The following EPHB3 variants were observed in gnomAD, a reference collection of about 807,000 sequenced individuals.
EPHB3 encodes the protein EPH receptor B3.
EPHB3 carries 33 observed loss-of-function variants against 100.2 expected under a neutral mutation model. The ratio of observed to expected loss-of-function variants is 0.33; its 90% CI spans 0.25 to 0.44. The LOEUF (loss-of-function observed/expected upper bound fraction) is 0.44, where lower values mean the gene tolerates loss of function less well. Ranked by LOEUF, EPHB3 falls within the 20% of genes least tolerant of loss-of-function variation. The pLI, the probability that EPHB3 is intolerant of heterozygous loss-of-function variation, is 1.00. For synonymous variants in EPHB3, 526 were observed against 554.7 expected (o/e 0.95, Z 0.73); for missense variants, 1,045 against 1,378.3 (o/e 0.76, Z 3.83).
In EPHB3 at chr3:184,572,403, T is replaced by TAGA; in HGVS notation, c.184-98_184-96dup. On this transcript the variant is annotated intron_variant, in intron 2 of 15. Transcript: ENST00000330394. The surrounding 1 kb of genome is among the most constrained non-coding windows in gnomAD (Gnocchi z 6.6). ...CTGTATGCTCAGCCACTGCACACCA[T>TAGA]AGAAGCATCCCTGTGAAGTAAATAG... The TAGA allele has an allele frequency of 3.7e-6, 5 of 1,359,782 alleles. No homozygotes were observed. Among genetic ancestry groups the TAGA allele is most frequent in the Non-Finnish European group, 4.9e-6 (5 of 1,027,538 alleles). 84.2% of individuals were successfully genotyped at this position (1,359,782 alleles called of 1,614,324 possible).
Position 184,578,359 on chromosome 3 carries a change from C to G in EPHB3, c.1749-55C>G. The stretch of plus-strand genomic sequence containing the variant: ...TCTGTGAGCCCAAGGGTGCCCTGAA[C>G]AAAGGGAGGCAGATGACTTGTCTCA... On this transcript the variant is annotated intron_variant, in intron 8 of 15. Coordinates refer to ENST00000330394, the MANE Select transcript of EPHB3 (RefSeq NM_004443.4). This position sits in a 1 kb window ranked among gnomAD's most constrained non-coding sequence, Gnocchi z 4.7. The G allele has an allele frequency of 6.2e-7, 1 of 1,612,344 alleles. No individual in the cohort carries two copies. Among genetic ancestry groups the G allele is most frequent in the Non-Finnish European group, 8.5e-7 (1 of 1,179,028 alleles).
In EPHB3 at chr3:184,571,743, G is replaced by T. The variant is rs1035889775; in HGVS notation, c.183+361G>T. 6.6e-6 allele frequency among the ~76,000 whole-genome samples: 1 copy of T among 152,124 alleles called. No individual in the cohort carries two copies. The highest frequency in any genetic ancestry group is 1.5e-5 in the Non-Finnish European group (1 of 68,042). ...AACCTTAGTTCCAGATCTTTAACTT[G>T]CTGTGTGACCTTGGGCAAGGCCGTT... is the stretch of plus-strand genomic sequence containing the variant. On this transcript the variant is annotated intron_variant, in intron 2 of 15. Transcript: ENST00000330394. This position sits in a 1 kb window ranked among gnomAD's most constrained non-coding sequence, Gnocchi z 5.0.
chr3:184,576,800 G>C, intron 4 of EPHB3, 42 bp from the exon 5 acceptor site: 1 of 1,510,784 alleles, frequency 6.6e-7, no homozygotes, highest in Non-Finnish European at 8.9e-7. Flanking sequence ...GATGGTCCTA[G>C]AGCCCCCAGC....
chr3:184,575,774 G>T, intron 3 of EPHB3, 56 bp from the exon 4 acceptor site: 3 of 1,524,166 alleles, frequency 2.0e-6, no homozygotes, highest in Non-Finnish European at 2.6e-6. Flanking sequence ...AGCTGCGGAG[G>T]TCTGGTGTCT....
intron 1 of EPHB3, among the ~76,000 whole-genome samples, chr3:184,566,048 G>C (rs1714377259): frequency 6.6e-6 from 1 of 152,238 alleles, no homozygotes; most frequent in Admixed American, 6.5e-5. Context: ...AGGGTGGAGG[G>C]AGACTGGATA....
At position 184,565,861 on chromosome 3, in the gene EPHB3, G is replaced by A. The variant is rs1019507506; in HGVS notation, c.118+3508G>A. 1.3e-5 allele frequency among the ~76,000 whole-genome samples: 2 copies of A among 152,234 alleles called. No individual in the cohort carries two copies. The highest frequency in any genetic ancestry group is 2.1e-4 in the South Asian group (1 of 4,834). ...CCACTGCAGCTTCAGCGGCTGCTGC[G>A]AGCTGAAGCCGAAGCTGCCGAAGCT... On this transcript the variant is annotated intron_variant, in intron 1 of 15. Transcript: ENST00000330394. The surrounding 1 kb of genome is among the most constrained non-coding windows in gnomAD (Gnocchi z 4.8).
chr3:184,572,315 C>T lies in EPHB3; in HGVS notation c.184-189C>T, dbSNP rs78106794. 1.1e-4 allele frequency among the ~76,000 whole-genome samples: 16 copies of T among 152,176 alleles called. No individual in the cohort carries two copies. The East Asian group carries it at 1.9e-3, about 18-fold the overall frequency. On this transcript the variant is annotated intron_variant, in intron 2 of 15. Coordinates refer to ENST00000330394, the MANE Select transcript of EPHB3 (RefSeq NM_004443.4). The surrounding 1 kb of genome is among the most constrained non-coding windows in gnomAD (Gnocchi z 6.6). Reference sequence around the variant, plus strand: ...CAGATGGGGAAACTGAGGCACATGGCGGTTAAGTGACTTACCCATAATCAC... The same window carrying T: ...CAGATGGGGAAACTGAGGCACATGGTGGTTAAGTGACTTACCCATAATCAC...
At chr3:184,570,637 G>C (rs1714514804) in intron 1 of EPHB3, among the ~76,000 whole-genome samples, 1 of 152,236 alleles carries the variant, frequency 6.6e-6, no homozygotes, top group Admixed American at 6.5e-5. Flanking sequence ...CTTTGTGCTG[G>C]GAACGGAGTC....
Position 184,580,482 on chromosome 3 carries a change from G to C in EPHB3, c.2253G>C (p.Glu751Asp). The change falls in exon 12 of 16, where the codon GAG becomes GAC. Residue 751 changes from glutamate (E) to aspartate (D), a missense_variant. Physicochemically the swap from Glu to Asp is conservative, Grantham distance 45 (BLOSUM62 2). Transcript: ENST00000330394. Reference protein sequence around the residue: ...GIAAGMKYLSEMNYVHRDLAA... With the variant: ...GIAAGMKYLSDMNYVHRDLAA... ...CTGCCGGCATGAAGTACCTGTCCGA[G>C]ATGAACTATGTGCACCGCGACCTGG... is the stretch of plus-strand genomic sequence containing the variant. 1.2e-6 allele frequency: 2 copies of C among 1,614,228 alleles called. No individual in the cohort carries two copies. Among genetic ancestry groups the C allele is most frequent in the South Asian group, 2.2e-5 (2 of 91,084 alleles).
chr3:184,574,267 G>C (rs9990365), intron 3 of EPHB3, among the ~76,000 whole-genome samples: 33,591 of 152,038 alleles, frequency 0.22, 3,727 homozygotes, highest in Middle Eastern at 0.31. Flanking sequence ...AGCCTGCCTC[G>C]GATGGCTTGC....
Position 184,575,996 on chromosome 3 carries a change from G to A in EPHB3, c.1012+11G>A, listed in dbSNP as rs368187986. ...ACAGTGCCTGTACCAGTGAGTGAACGCGTGACCTCTCTTTCCCTCTGCAGG... is the reference window on the plus strand; with the variant it reads ...ACAGTGCCTGTACCAGTGAGTGAACACGTGACCTCTCTTTCCCTCTGCAGG... On this transcript the variant is annotated intron_variant, in intron 4 of 15. Coordinates refer to ENST00000330394, the MANE Select transcript of EPHB3 (RefSeq NM_004443.4). The A allele has an allele frequency of 4.4e-5, 71 of 1,600,774 alleles. No individual in the cohort carries two copies. The highest frequency in any genetic ancestry group is 1.3e-4 in the African/African-American group (10 of 74,426).
rs1714758423 is a variant in EPHB3 at position 184,579,197 on chromosome 3, T to G, written c.1802-280T>G. On this transcript the variant is annotated intron_variant, in intron 9 of 15. Transcript: ENST00000330394. This position sits in a 1 kb window ranked among gnomAD's most constrained non-coding sequence, Gnocchi z 5.2. The stretch of plus-strand genomic sequence containing the variant: ...TGGGAGGCTATTGGAATAGTGTGAG[T>G]GTTGAAGGCCTGGACAAGGTCGGGG... 6.6e-6 allele frequency among the ~76,000 whole-genome samples: 1 copy of G among 151,446 alleles called. No homozygotes were observed. The highest frequency in any genetic ancestry group is 2.0e-4 in the East Asian group (1 of 5,118).
In EPHB3 at chr3:184,577,143, G is replaced by A. The variant is rs34076689; in HGVS notation, c.1314G>A (p.Pro438=). Residue 438 remains proline, a synonymous_variant, in exon 5 of 16, where the codon CCG becomes CCA. Transcript: ENST00000330394. The surrounding 1 kb of genome is among the most constrained non-coding windows in gnomAD (Gnocchi z 4.9). ...GTGTCTCGGGCAAGAGCCCTCTGCC[G>A]CCTCGTTATGCGGCCGTGAATATCA... ...VNGVSGKSPL[P]PRYAAVNITT... 7,115 of 1,608,730 alleles carry A rather than the reference G, an allele frequency of 4.4e-3. 239 individuals are homozygous for A. In the African/African-American group the frequency reaches 0.08, roughly 18 times the overall value.
chr3:184,572,814 G>T lies in EPHB3; in HGVS notation c.494G>T (p.Ser165Ile). Residue 165 changes from serine to isoleucine, a missense_variant, in exon 3 of 16, where the codon AGC becomes ATC. Around this residue, in one of 2 missense-constraint regions of EPHB3, gnomAD observed 985 missense variants for 1,331.1 expected, o/e 0.74. Coordinates refer to ENST00000330394, the MANE Select transcript of EPHB3 (RefSeq NM_004443.4). This position sits in a 1 kb window ranked among gnomAD's most constrained non-coding sequence, Gnocchi z 6.6. The part of the protein sequence containing the change: ...VKVDTIAPDE[S>I]FSRLDAGRVN... ...GTGGACACCATTGCACCCGATGAGA[G>T]CTTCTCGCGGCTGGATGCCGGCCGT... is the stretch of plus-strand genomic sequence containing the variant. 1 of 1,576,460 alleles carries T rather than the reference G, an allele frequency of 6.3e-7. No homozygotes were observed. Among genetic ancestry groups the T allele is most frequent in the Non-Finnish European group, 8.6e-7 (1 of 1,161,734 alleles).
In EPHB3 at chr3:184,579,296, G is replaced by C. The variant is rs1714760798; in HGVS notation, c.1802-181G>C. On this transcript the variant is annotated intron_variant, in intron 9 of 15. Transcript: ENST00000330394. The surrounding 1 kb of genome is among the most constrained non-coding windows in gnomAD (Gnocchi z 5.2). ...GAGAGATGAGAGAGAAAAACTAGGA[G>C]TAGAATCCTAGGTGTCTAGCCTTTA... 6.6e-6 allele frequency among the ~76,000 whole-genome samples: 1 copy of C among 152,094 alleles called. No homozygotes were observed. The highest frequency in any genetic ancestry group is 2.4e-5 in the African/African-American group (1 of 41,404).
chr3:184,568,520 C>T (rs1358309437), intron 1 of EPHB3, among the ~76,000 whole-genome samples: 2 of 152,306 alleles, frequency 1.3e-5, no homozygotes, highest in Middle Eastern at 3.4e-3. Flanking sequence ...CACATGCACA[C>T]GCCGCACACA....
rs1212298510 is a variant in EPHB3 at position 184,579,959 on chromosome 3, T to C, written c.2172+25T>C. On this transcript the variant is annotated intron_variant, in intron 11 of 15. Coordinates refer to ENST00000330394, the MANE Select transcript of EPHB3 (RefSeq NM_004443.4). This position sits in a 1 kb window ranked among gnomAD's most constrained non-coding sequence, Gnocchi z 5.2. The stretch of plus-strand genomic sequence containing the variant: ...GGTAAGAGCCAGCCCCCAGGCCCTC[T>C]CCCTCCCCCAGAGAGTTGGATTGGG... 9 of 1,604,074 alleles carry C rather than the reference T, an allele frequency of 5.6e-6. No individual in the cohort carries two copies. The highest frequency in any genetic ancestry group is 7.7e-6 in the Non-Finnish European group (9 of 1,175,322).
Position 184,577,660 on chromosome 3 carries a change from C to A in EPHB3, c.1482C>A (p.Ser494Arg). The A allele has an allele frequency of 6.3e-7, 1 of 1,592,904 alleles. No homozygotes were observed. Among genetic ancestry groups the A allele is most frequent in the Non-Finnish European group, 8.6e-7 (1 of 1,166,650 alleles). ...CCCCCTCTCTCCTGGCATTGCAGAG[C>A]GAGGGCATCGCCTCCACAGTGACCA... ...LDYEMKYFEK[S>R]EGIASTVTSQ... Residue 494 changes from serine (S) to arginine (R), a missense_variant and splice_region_variant, in exon 7 of 16, where the codon AGC (serine) becomes AGA (arginine). Coordinates refer to ENST00000330394, the MANE Select transcript of EPHB3 (RefSeq NM_004443.4). The surrounding 1 kb of genome is among the most constrained non-coding windows in gnomAD (Gnocchi z 4.9).
Position 184,581,626 on chromosome 3 carries a change from C to CG in EPHB3, c.*6dup, listed in dbSNP as rs1454398385. ...GACGCTGCCTGTGCAGGTCTGACAC[C>CG]GGCTCCCACGGGGACCCTGAGGACC... is the stretch of plus-strand genomic sequence containing the variant. On this transcript the variant is annotated 3_prime_UTR_variant, in exon 16 of 16. Coordinates refer to ENST00000330394, the MANE Select transcript of EPHB3 (RefSeq NM_004443.4). 3 of 1,600,906 alleles carry CG rather than the reference C, an allele frequency of 1.9e-6. No homozygotes were observed. Among genetic ancestry groups the CG allele is most frequent in the East Asian group, 4.5e-5 (2 of 44,532 alleles).
Sources: allele counts gnomAD v4.1 joint callset (sites outside exome capture counted in the v4.1 genomes callset), GRCh38; gene constraint gnomAD v4.1.1; regional missense constraint gnomAD v4.1.1; non-coding constraint Gnocchi (gnomAD v3.1); transcripts MANE v1.5; gene names NCBI Gene and HGNC (gene_info 2026-07-23, HGNC 2026-07-21).